The following DOK5 variants were observed in gnomAD, a reference collection of about 807,000 sequenced individuals.
DOK5 encodes the protein downstream of tyrosine kinase 5.
A neutral mutation model predicts 43.3 loss-of-function variants in DOK5; 27 were observed. The observed-to-expected ratio is 0.62, with a 90% confidence interval of 0.46 to 0.86. The LOEUF (loss-of-function observed/expected upper bound fraction) is 0.86, where lower values mean the gene tolerates loss of function less well. Ranked by LOEUF, DOK5 falls within the 40% of genes least tolerant of loss-of-function variation. DOK5 has a pLI of 0.00. For synonymous variants in DOK5, 146 were observed against 140.1 expected (o/e 1.04, Z -0.30); for missense variants, 373 against 392.9 (o/e 0.95, Z 0.43).
chr20:54,578,951 C>T lies in DOK5; in HGVS notation c.175-9532C>T, dbSNP rs186639676. 4.2e-3 allele frequency among the ~76,000 whole-genome samples: 633 copies of T among 152,236 alleles called. 1 individual carries two copies. Among genetic ancestry groups the T allele is most frequent in the Admixed American group, 6.7e-3 (102 of 15,274 alleles). The stretch of plus-strand genomic sequence containing the variant: ...TTTCTGTTAAAATCTATTGTCATTC[C>T]TCTGCTAAGCAAATGAGACTTGTTC... On this transcript the variant is annotated intron_variant, in intron 2 of 7. Coordinates refer to ENST00000262593, the MANE Select transcript of DOK5 (RefSeq NM_018431.5).
At chr20:54,572,317 C>T (rs570263513) in intron 2 of DOK5, among the ~76,000 whole-genome samples, 11 of 152,192 alleles carry the variant, frequency 7.2e-5, no homozygotes, top group Admixed American at 3.9e-4. Context: ...CTCGCCACCA[C>T]GCCCGGCTAA....
intron 1 of DOK5, among the ~76,000 whole-genome samples, chr20:54,521,520 G>T (rs904940425): frequency 6.6e-6 from 1 of 152,094 alleles, no homozygotes; most frequent in African/African-American, 2.4e-5. Context: ...TTCGACTCAG[G>T]AACAGGCATA....
At chr20:54,620,814 G>T (rs1465564255) in intron 6 of DOK5, among the ~76,000 whole-genome samples, 1 of 152,088 alleles carries the variant, frequency 6.6e-6, no homozygotes, top group Non-Finnish European at 1.5e-5. Flanking sequence ...AGTATTTGCT[G>T]AGCCCTGCTG....
At position 54,560,910 on chromosome 20, in the gene DOK5, C is replaced by T. The variant is rs369325530; in HGVS notation, c.174+5870C>T. On this transcript the variant is annotated intron_variant, in intron 2 of 7. Coordinates refer to ENST00000262593, the MANE Select transcript of DOK5 (RefSeq NM_018431.5). ...GTGCTGGGATTACAGGTGTGAGCCACCATGCCCGGCCTGAGCTTGGTTTCT... is the reference window on the plus strand; with the variant it reads ...GTGCTGGGATTACAGGTGTGAGCCATCATGCCCGGCCTGAGCTTGGTTTCT... Among the ~76,000 whole-genome samples, 18 of 152,336 alleles carry T rather than the reference C, an allele frequency of 1.2e-4. 3 individuals carry two copies. The highest frequency in any genetic ancestry group is 8.5e-4 in the Admixed American group (13 of 15,310).
intron 1 of DOK5, among the ~76,000 whole-genome samples, chr20:54,529,352 A>G (rs1420526200): frequency 6.6e-6 from 1 of 152,202 alleles, no homozygotes. Context: ...TACTAATAAT[A>G]GTTCCTTTAT....
rs115992694 is a variant in DOK5, at chr20:54,485,514, T to C, written c.66+9502T>C. 2.9e-3 allele frequency among the ~76,000 whole-genome samples: 438 copies of C among 152,344 alleles called. 1 individual carries two copies. The highest frequency in any genetic ancestry group is 9.7e-3 in the African/African-American group (405 of 41,566). ...TTGCTGAGTAGTGTACCATGGTGTG[T>C]ATGTACAATAGGTACCGTAGTTTGT... On this transcript the variant is annotated intron_variant, in intron 1 of 7. Transcript: ENST00000262593.
At chr20:54,549,661 T>C (rs542361371) in intron 1 of DOK5, among the ~76,000 whole-genome samples, 3 of 152,106 alleles carry the variant, frequency 2.0e-5, no homozygotes, top group Admixed American at 6.5e-5. Context: ...GCAAAAACTG[T>C]GAAGAAAATG....
intron 2 of DOK5, among the ~76,000 whole-genome samples, chr20:54,563,312 C>T (rs1018848116): frequency 6.6e-6 from 1 of 152,144 alleles, no homozygotes; most frequent in Non-Finnish European, 1.5e-5. Flanking sequence ...CATTGTCATT[C>T]CCTGGTGTTC....
chr20:54,627,868 C>T (rs972334805), intron 6 of DOK5, among the ~76,000 whole-genome samples: 2 of 152,118 alleles, frequency 1.3e-5, no homozygotes, highest in Admixed American at 1.3e-4. Flanking sequence ...CAGGATCTGG[C>T]CCCTTAGTCC....
Position 54,521,379 on chromosome 20 carries a change from C to A in DOK5, c.67-33554C>A, listed in dbSNP as rs892269812. Reference sequence around the variant, plus strand: ...TTCAGACGCCAACCACAAGGGGGTCCCAGCCTACCCACACCTGTTTAGCAG... The same window carrying A: ...TTCAGACGCCAACCACAAGGGGGTCACAGCCTACCCACACCTGTTTAGCAG... On this transcript the variant is annotated intron_variant, in intron 1 of 7. Coordinates refer to ENST00000262593, the MANE Select transcript of DOK5 (RefSeq NM_018431.5). 2.0e-5 allele frequency among the ~76,000 whole-genome samples: 3 copies of A among 152,084 alleles called. No homozygotes were observed. The South Asian group carries it at 6.2e-4, about 32-fold the overall frequency.
chr20:54,568,232 A>G (rs1292115872), intron 2 of DOK5, among the ~76,000 whole-genome samples: 3 of 152,254 alleles, frequency 2.0e-5, no homozygotes, highest in African/African-American at 4.8e-5. Context: ...ACCAAACTTT[A>G]CTTATGAAGT....
At chr20:54,490,081 T>C (rs1240203706) in intron 1 of DOK5, among the ~76,000 whole-genome samples, 1 of 152,218 alleles carries the variant, frequency 6.6e-6, no homozygotes, top group African/African-American at 2.4e-5. Flanking sequence ...TTAGAATCTT[T>C]TCAGTTGTGC....
At chr20:54,570,492 C>T (rs1489063539) in intron 2 of DOK5, among the ~76,000 whole-genome samples, 1 of 152,082 alleles carries the variant, frequency 6.6e-6, no homozygotes, top group Non-Finnish European at 1.5e-5. Context: ...CATTCAGTCC[C>T]ACAAGGGAAA....
chr20:54,476,397 G>A (rs1362604328), intron 1 of DOK5, among the ~76,000 whole-genome samples: 1 of 152,134 alleles, frequency 6.6e-6, no homozygotes, highest in African/African-American at 2.4e-5. Flanking sequence ...ACTTTTCCGG[G>A]GGATGGATCG....
intron 1 of DOK5, among the ~76,000 whole-genome samples, chr20:54,546,236 C>T (rs2146720651): frequency 6.6e-6 from 1 of 152,230 alleles, no homozygotes; most frequent in Admixed American, 6.5e-5. Flanking sequence ...ATATAAAAGG[C>T]TCAGCATTCC....
chr20:54,558,377 A>G (rs746195467), intron 2 of DOK5, among the ~76,000 whole-genome samples: 35 of 152,216 alleles, frequency 2.3e-4, no homozygotes, highest in Non-Finnish European at 2.6e-4. Flanking sequence ...TCTTTCACCT[A>G]TAATAATCAT....
intron 5 of DOK5, among the ~76,000 whole-genome samples, chr20:54,598,785 A>G (rs1163396845): frequency 6.6e-6 from 1 of 152,204 alleles, no homozygotes; most frequent in African/African-American, 2.4e-5. Flanking sequence ...ATATACAAAT[A>G]CTTTTCCTTA....
At chr20:54,479,437 A>T (rs549296618) in intron 1 of DOK5, among the ~76,000 whole-genome samples, 1 of 152,292 alleles carries the variant, frequency 6.6e-6, no homozygotes, top group South Asian at 2.1e-4. Context: ...GATTAAATGC[A>T]CTAAAAATTT....
rs189503313 is a variant in DOK5, at chr20:54,566,084, C to G, written c.174+11044C>G. ...ACTTTTTGTGTTGCCCTTTCATAATCACATCCTCCAGTCCTCCCACCCCAC... is the reference window on the plus strand; with the variant it reads ...ACTTTTTGTGTTGCCCTTTCATAATGACATCCTCCAGTCCTCCCACCCCAC... On this transcript the variant is annotated intron_variant, in intron 2 of 7. Transcript: ENST00000262593. 2.9e-3 allele frequency among the ~76,000 whole-genome samples: 439 copies of G among 150,076 alleles called. 2 individuals are homozygous for G. Among genetic ancestry groups the G allele is most frequent in the Non-Finnish European group, 4.2e-3 (287 of 67,672 alleles).
Sources: gnomAD v4.1 joint callset for allele counts (sites outside exome capture counted in the v4.1 genomes callset) on GRCh38, gnomAD v4.1.1 for gene constraint, MANE v1.5 for transcripts, NCBI Gene and HGNC (gene_info 2026-07-23, HGNC 2026-07-21) for gene names.